SETD2: variants seen among roughly 807,000 people sequenced by gnomAD.
SETD2 encodes SET domain containing 2, histone lysine methyltransferase.
Under a neutral mutation model 242.1 loss-of-function variants are expected in SETD2, and 31 were observed. The observed-to-expected ratio is 0.13, with a 90% CI of 0.10 to 0.17. SETD2 has a LOEUF of 0.17. SETD2 is among the 10% of genes least tolerant of loss of function. SETD2 has a pLI of 1.00. For missense variants in SETD2, 2,481 were observed against 3,046.3 expected, an observed-to-expected ratio of 0.81 and a Z score of 4.37; for synonymous variants, 1,006 against 1,066.5, an observed-to-expected ratio of 0.94 and a Z score of 1.11.
intron 11 of SETD2, 22 bp from the exon 12 acceptor site, chr3:47,084,404 T>A (rs2041455633): frequency 2.0e-6 from 3 of 1,509,442 alleles, no homozygotes; most frequent in Admixed American, 2.0e-5. Flanking sequence ...TAAAAAAAAA[T>A]TACATCACTT....
Position 47,057,074 on chromosome 3 carries a change from C to A in SETD2, c.6710G>T (p.Ser2237Ile). 2.5e-6 allele frequency: 4 copies of A among 1,614,246 alleles called. No individual in the cohort carries two copies. Among genetic ancestry groups the A allele is most frequent in the Non-Finnish European group, 3.4e-6 (4 of 1,180,044 alleles). Reference sequence around the variant, plus strand: ...ATCACTCTGGGCCACATACTGGGAACTGGAAACTTCCACAGGAGCTGCCAC... The same window carrying A: ...ATCACTCTGGGCCACATACTGGGAAATGGAAACTTCCACAGGAGCTGCCAC... Reference protein sequence around the residue: ...PHVAAPVEVSSSQYVAQSDGV... With the variant: ...PHVAAPVEVSISQYVAQSDGV... Residue 2237 changes from serine to isoleucine, a missense_variant, in exon 15 of 21, where the codon AGT becomes ATT. Coordinates refer to ENST00000409792, the MANE Select transcript of SETD2 (RefSeq NM_014159.7).
At position 47,076,756 on chromosome 3, in the gene SETD2, C is replaced by T. The variant is rs930691577; in HGVS notation, c.6060+6964G>A. Among the ~76,000 whole-genome samples the T allele has an allele frequency of 2.6e-5, 4 of 152,172 alleles. No homozygotes were observed. The East Asian group carries it at 7.7e-4, about 29-fold the overall frequency. Reference sequence around the variant, plus strand: ...TTCCAAGTAAGGAGAACAGTATGTTCAAGGACATGAAGAGGTGAATATGTA... The same window carrying T: ...TTCCAAGTAAGGAGAACAGTATGTTTAAGGACATGAAGAGGTGAATATGTA... On this transcript the variant is annotated intron_variant, in intron 12 of 20. Transcript: ENST00000409792.
intron 12 of SETD2, among the ~76,000 whole-genome samples, chr3:47,079,089 T>C (rs1180016119): frequency 6.6e-6 from 1 of 152,182 alleles, no homozygotes; most frequent in Non-Finnish European, 1.5e-5. Context: ...AATTTTTCAC[T>C]GAATTTTCTC....
rs2107640471 is a variant in SETD2, at chr3:47,084,293, C to T, written c.5487G>A (p.Gln1829=). Residue 1829 remains glutamine (Q), a synonymous_variant, in exon 12 of 21, where the codon CAG becomes CAA. Coordinates refer to ENST00000409792, the MANE Select transcript of SETD2 (RefSeq NM_014159.7). ...TCAACGGAGGGACAGCAGTCTTAGT[C>T]TGAGACCAGCGTTGAATAATTGGAA... The part of the protein sequence containing the change: ...KVLPIIQRWS[Q]TKTAVPPLSE... 6.2e-7 allele frequency: 1 copy of T among 1,614,038 alleles called. No homozygotes were observed. Among genetic ancestry groups the T allele is most frequent in the Non-Finnish European group, 8.5e-7 (1 of 1,179,968 alleles).
chr3:47,050,099 A>C (rs1038484063), intron 15 of SETD2, among the ~76,000 whole-genome samples: 4 of 150,900 alleles, frequency 2.7e-5, no homozygotes, highest in Admixed American at 1.3e-4. Flanking sequence ...TCTATATTTT[A>C]GAATAATCTT....
intron 8 of SETD2, among the ~76,000 whole-genome samples, chr3:47,099,914 T>A (rs1271709569): frequency 6.6e-6 from 1 of 152,158 alleles, no homozygotes; most frequent in Non-Finnish European, 1.5e-5. Context: ...ATTTTTAAAC[T>A]AGTCTTCAAA....
intron 5 of SETD2, 75 bp downstream of exon 5, chr3:47,113,801 T>C (rs996643346): frequency 4.1e-6 from 6 of 1,467,046 alleles, no homozygotes; most frequent in Non-Finnish European, 5.6e-6. Flanking sequence ...ATCGTGCCAC[T>C]GCACTCCAGT....
intron 1 of SETD2, among the ~76,000 whole-genome samples, chr3:47,145,735 A>T (rs908404594): frequency 6.6e-6 from 1 of 152,136 alleles, no homozygotes; most frequent in African/African-American, 2.4e-5. Context: ...TATGCAGCTG[A>T]ACAGGTGTGG....
At chr3:47,149,161 T>C (rs1358132479) in intron 1 of SETD2, among the ~76,000 whole-genome samples, 3 of 152,226 alleles carry the variant, frequency 2.0e-5, no homozygotes, top group East Asian at 1.9e-4. Context: ...CAGTTGTTTA[T>C]GAATGGCAGC....
chr3:47,059,172 AATGGTGTGAT>A (rs2040224077), intron 14 of SETD2, among the ~76,000 whole-genome samples: 2 of 136,960 alleles, frequency 1.5e-5, no homozygotes, highest in South Asian at 4.6e-4. Flanking sequence ...ACTGGTGTGC[AATGGTGTGAT>A]ATCAGCTCAC....
At chr3:47,070,785 C>T (rs929817870) in intron 12 of SETD2, among the ~76,000 whole-genome samples, 5 of 152,050 alleles carry the variant, frequency 3.3e-5, no homozygotes, top group Non-Finnish European at 5.9e-5. Flanking sequence ...ATATGATCTG[C>T]CAAACAAGGG....
intron 12 of SETD2, among the ~76,000 whole-genome samples, chr3:47,073,839 G>T (rs2040934061): frequency 1.3e-5 from 2 of 152,164 alleles, no homozygotes; most frequent in Admixed American, 6.5e-5. Context: ...CAGTACTTGT[G>T]CTGGCCAGGG....
chr3:47,059,121 T>C (rs13066909), intron 14 of SETD2, among the ~76,000 whole-genome samples: 70,526 of 132,010 alleles, frequency 0.53, 18,594 homozygotes, highest in Non-Finnish European at 0.55. Context: ...TTTTTTTTTT[T>C]TTTTTTTTTT....
At chr3:47,128,654 T>G (rs1404224501) in intron 1 of SETD2, among the ~76,000 whole-genome samples, 1 of 152,088 alleles carries the variant, frequency 6.6e-6, no homozygotes, top group African/African-American at 2.4e-5. Context: ...AATTAACCAT[T>G]TTTTTCTACT....
intron 18 of SETD2, among the ~76,000 whole-genome samples, chr3:47,022,488 G>A (rs1236075665): frequency 3.3e-5 from 5 of 152,178 alleles, no homozygotes; most frequent in Admixed American, 1.3e-4. Context: ...GGGCAACAGA[G>A]TGAAATGCTG....
chr3:47,128,190 T>C (rs780852336), intron 1 of SETD2, among the ~76,000 whole-genome samples: 2 of 152,214 alleles, frequency 1.3e-5, no homozygotes, highest in Non-Finnish European at 2.9e-5. Context: ...TCGTTTTTGG[T>C]ATCTGTTCAA....
intron 12 of SETD2, among the ~76,000 whole-genome samples, chr3:47,078,519 CTTTTTTTTTTTTTT>C (rs71098448): frequency 2.8e-5 from 2 of 71,280 alleles, no homozygotes; most frequent in East Asian, 4.4e-4. Context: ...GATTCTCAGC[CTTTTTTTTTTTTTT>C]TTTTTTTTTT....
intron 1 of SETD2, among the ~76,000 whole-genome samples, chr3:47,158,953 A>G (rs1310171234): frequency 6.6e-6 from 1 of 152,194 alleles, no homozygotes; most frequent in Non-Finnish European, 1.5e-5. Context: ...CAAACTGCAC[A>G]CTAAAACAGT....
intron 3 of SETD2, 59 bp downstream of exon 3, chr3:47,120,123 C>T: frequency 1.5e-6 from 2 of 1,339,390 alleles, no homozygotes; most frequent in Non-Finnish European, 2.0e-6. Context: ...TGTTTAAAGG[C>T]TTTTTCTAAC....
Sources: gnomAD v4.1 joint callset for allele counts (sites outside exome capture counted in the v4.1 genomes callset) on GRCh38, gnomAD v4.1.1 for gene constraint, MANE v1.5 for transcripts, NCBI Gene and HGNC (gene_info 2026-07-23, HGNC 2026-07-21) for gene names.